The following CCSER1 variants were observed in gnomAD, a reference collection of about 807,000 sequenced individuals.
CCSER1 encodes the protein coiled-coil serine rich protein 1, also known as serine-rich coiled-coil domain-containing protein 1.
A neutral mutation model predicts 82.0 loss-of-function variants in CCSER1; 41 were observed. The observed-to-expected ratio is 0.50, with a 90% CI of 0.39 to 0.65. CCSER1 has a LOEUF of 0.65. Among genes scored for constraint, CCSER1 ranks in the 30% least tolerant of loss-of-function variants. CCSER1 has a pLI of 0.00. For missense variants in CCSER1, 1,119 were observed against 1,064.2 expected (o/e 1.05, Z -0.72); for synonymous variants, 414 against 383.9 (o/e 1.08, Z -0.92).
intron 10 of CCSER1, among the ~76,000 whole-genome samples, chr4:91,375,782 A>C (rs1413794847): frequency 1.3e-5 from 2 of 152,132 alleles, no homozygotes; most frequent in African/African-American, 4.8e-5. Flanking sequence ...CAGTAGCCTA[A>C]ATGACTTAAT....
intron 9 of CCSER1, among the ~76,000 whole-genome samples, chr4:91,080,086 C>G (rs1397136121): frequency 6.6e-6 from 1 of 152,180 alleles, no homozygotes; most frequent in African/African-American, 2.4e-5. Context: ...ATCTACAGAA[C>G]TCTCCACCCC....
At chr4:90,722,199 A>G (rs982887827) in intron 6 of CCSER1, among the ~76,000 whole-genome samples, 6 of 151,942 alleles carry the variant, frequency 3.9e-5, no homozygotes, top group African/African-American at 7.2e-5. Context: ...AATGTCATCT[A>G]TGTCTCCTAA....
rs369405464 is a variant in CCSER1 at position 90,170,993 on chromosome 4, A to G, written c.-42+43162A>G. Among the ~76,000 whole-genome samples, 8 of 151,958 alleles carry G rather than the reference A, an allele frequency of 5.3e-5. No individual in the cohort carries two copies. In the East Asian group the frequency reaches 1.5e-3, roughly 29 times the overall value. ...TATACATTTAAAAACAACTGAAAGA[A>G]TATAATTAGATTGTAACTCAAAGAC... On this transcript the variant is annotated intron_variant, in intron 1 of 10. Coordinates refer to ENST00000509176, the MANE Select transcript of CCSER1 (RefSeq NM_001145065.2).
At chr4:90,984,816 C>G (rs1037248610) in intron 9 of CCSER1, among the ~76,000 whole-genome samples, 1 of 151,780 alleles carries the variant, frequency 6.6e-6, no homozygotes, top group African/African-American at 2.4e-5. Flanking sequence ...GACTTAGTAT[C>G]TTAGTCTGTA....
At chr4:90,880,394 C>A (rs1168316180) in intron 8 of CCSER1, among the ~76,000 whole-genome samples, 1 of 152,140 alleles carries the variant, frequency 6.6e-6, no homozygotes, top group African/African-American at 2.4e-5. Context: ...TGGGTCCAAG[C>A]CAGAGGTTCC....
intron 6 of CCSER1, among the ~76,000 whole-genome samples, chr4:90,688,170 A>G (rs1189572492): frequency 6.6e-6 from 1 of 152,172 alleles, no homozygotes; most frequent in Non-Finnish European, 1.5e-5. Context: ...GGACATCTGT[A>G]TACTTCATTA....
chr4:90,368,972 A>T (rs958124065), intron 3 of CCSER1, among the ~76,000 whole-genome samples: 2 of 151,998 alleles, frequency 1.3e-5, no homozygotes, highest in African/African-American at 4.8e-5. Context: ...AAAATTAATT[A>T]AGCTCTAAAA....
At chr4:90,323,357 G>A (rs1419619723) in intron 3 of CCSER1, among the ~76,000 whole-genome samples, 10 of 152,224 alleles carry the variant, frequency 6.6e-5, no homozygotes. Context: ...GTCTTTCAAA[G>A]TTATTTGGGA....
intron 10 of CCSER1, among the ~76,000 whole-genome samples, chr4:91,090,788 A>G (rs1409552508): frequency 6.6e-6 from 1 of 152,198 alleles, no homozygotes; most frequent in Non-Finnish European, 1.5e-5. Context: ...TTAGTTCATC[A>G]TAGAAAGTCT....
chr4:91,222,376 T>C (rs893842312), intron 10 of CCSER1, among the ~76,000 whole-genome samples: 3 of 152,072 alleles, frequency 2.0e-5, no homozygotes, highest in Admixed American at 6.6e-5. Flanking sequence ...GCTCAATTTA[T>C]TTTCTATAAT....
At chr4:91,165,601 A>T (rs376970782) in intron 10 of CCSER1, among the ~76,000 whole-genome samples, 1 of 152,138 alleles carries the variant, frequency 6.6e-6, no homozygotes, top group African/African-American at 2.4e-5. Flanking sequence ...TGAGCTTCCC[A>T]GGCTGCTTTG....
chr4:91,582,556 T>C (rs1578849990), intron 10 of CCSER1, among the ~76,000 whole-genome samples: 1 of 151,558 alleles, frequency 6.6e-6, no homozygotes, highest in East Asian at 1.9e-4. Context: ...AGTCCGATTA[T>C]GGAATGCTAC....
chr4:91,231,264 A>T, intron 10 of CCSER1, among the ~76,000 whole-genome samples: 1 of 151,910 alleles, frequency 6.6e-6, no homozygotes, highest in Admixed American at 6.6e-5. Context: ...AATGGAATAT[A>T]ATTAACAGTA....
intron 5 of CCSER1, among the ~76,000 whole-genome samples, chr4:90,546,580 A>G (rs1776782325): frequency 6.6e-6 from 1 of 152,156 alleles, no homozygotes; most frequent in African/African-American, 2.4e-5. Context: ...AAGTGAGGCA[A>G]TTTAGTAGAA....
intron 10 of CCSER1, among the ~76,000 whole-genome samples, chr4:91,593,765 T>G (rs996791953): frequency 6.6e-6 from 1 of 152,102 alleles, no homozygotes; most frequent in Admixed American, 6.6e-5. Flanking sequence ...TAAATTGCAA[T>G]GAGAGGCTGG....
chr4:90,368,229 A>C (rs1481007258), intron 3 of CCSER1, among the ~76,000 whole-genome samples: 1 of 152,012 alleles, frequency 6.6e-6, no homozygotes, highest in East Asian at 1.9e-4. Flanking sequence ...TTAAACAGGC[A>C]GAAACTCAGG....
intron 8 of CCSER1, among the ~76,000 whole-genome samples, chr4:90,919,082 T>C (rs907257822): frequency 1.6e-5 from 2 of 124,644 alleles, no homozygotes; most frequent in African/African-American, 6.8e-5. Context: ...TTAAATTGTT[T>C]CCACAGTAAA....
At chr4:90,481,332 T>A (rs1269962512) in intron 5 of CCSER1, among the ~76,000 whole-genome samples, 1 of 152,196 alleles carries the variant, frequency 6.6e-6, no homozygotes, top group Non-Finnish European at 1.5e-5. Context: ...ACAATTTGAC[T>A]TCCTCTTTTC....
intron 10 of CCSER1, among the ~76,000 whole-genome samples, chr4:91,463,014 T>C (rs940345720): frequency 6.6e-6 from 1 of 152,098 alleles, no homozygotes; most frequent in Admixed American, 6.5e-5. Context: ...GAGTAGTGGT[T>C]CTCCCAGCAT....
Sources: gnomAD v4.1 joint callset for allele counts (sites outside exome capture counted in the v4.1 genomes callset) on GRCh38, gnomAD v4.1.1 for gene constraint, MANE v1.5 for transcripts, NCBI Gene and HGNC (gene_info 2026-07-23, HGNC 2026-07-21) for gene names.